Variants in NUCB2 observed in about 807,000 individuals in gnomAD.
The protein encoded by NUCB2 is nucleobindin 2, also known as nucleobindin-2.
In NUCB2, 48 loss-of-function variants were observed where a neutral mutation model predicts 57.9. The ratio of observed to expected loss-of-function variants is 0.83; its 90% CI spans 0.66 to 1.05. NUCB2 has a LOEUF of 1.05. Among genes scored for constraint, NUCB2 ranks in the 50% least tolerant of loss-of-function variants. The probability of loss-of-function intolerance (pLI) is 0.00; values close to 1 mark genes in which losing one functional copy is unlikely to be tolerated. For synonymous variants in NUCB2, 139 were observed against 152.1 expected, an observed-to-expected ratio of 0.91 and a Z score of 0.64; for missense variants, 442 against 476.2, an observed-to-expected ratio of 0.93 and a Z score of 0.67.
intron 13 of NUCB2, 77 bp downstream of exon 13, chr11:17,331,060 T>C: frequency 1.1e-6 from 1 of 942,926 alleles, no homozygotes; most frequent in South Asian, 1.6e-5. Context: ...ATTACAAATA[T>C]AATTTCAAAT....
intron 5 of NUCB2, among the ~76,000 whole-genome samples, chr11:17,304,146 G>A (rs1266274046): frequency 6.6e-6 from 1 of 151,688 alleles, no homozygotes; most frequent in African/African-American, 2.4e-5. Flanking sequence ...TCGCTTTGGA[G>A]GTACAAGCCA....
chr11:17,301,049 TGCAA>T (rs373840138), intron 4 of NUCB2, among the ~76,000 whole-genome samples: 40 of 145,308 alleles, frequency 2.8e-4, no homozygotes, highest in Non-Finnish European at 4.5e-4. Context: ...CTTGGCGCAC[TGCAA>T]CCTCCGCCTC....
intron 2 of NUCB2, among the ~76,000 whole-genome samples, chr11:17,347,864 GT>G (rs1952868077): frequency 6.6e-6 from 1 of 152,202 alleles, no homozygotes; most frequent in African/African-American, 2.4e-5. Context: ...AGTGTGGTCT[GT>G]GACTGGTGCT....
At chr11:17,305,533 G>A (rs1947484993) in intron 5 of NUCB2, among the ~76,000 whole-genome samples, 1 of 152,106 alleles carries the variant, frequency 6.6e-6, no homozygotes. Context: ...AGACATTCCA[G>A]AAGTAGAGTT....
chr11:17,314,960 G>A (rs1410871887), intron 10 of NUCB2, among the ~76,000 whole-genome samples: 2 of 152,134 alleles, frequency 1.3e-5, no homozygotes, highest in Non-Finnish European at 2.9e-5. Flanking sequence ...AATGTTGAGA[G>A]CATTTTAATT....
At position 17,296,508 on chromosome 11, in the gene NUCB2, G is replaced by A. The variant is rs929566716; in HGVS notation, c.252+297G>A. 9.9e-5 allele frequency among the ~76,000 whole-genome samples: 15 copies of A among 152,162 alleles called. No individual in the cohort carries two copies. The East Asian group carries it at 2.9e-3, about 29-fold the overall frequency. The stretch of plus-strand genomic sequence containing the variant: ...AATCATATCCAGAAATAGATTATAG[G>A]ATGGATTATATGATGAGTATTTAAT... On this transcript the variant is annotated intron_variant, in intron 4 of 13. Coordinates refer to ENST00000529010, the MANE Select transcript of NUCB2 (RefSeq NM_005013.4).
At chr11:17,289,367 G>A (rs1192804382) in intron 2 of NUCB2, among the ~76,000 whole-genome samples, 1 of 152,118 alleles carries the variant, frequency 6.6e-6, no homozygotes, top group African/African-American at 2.4e-5. Flanking sequence ...GATGATGACA[G>A]GAAGTTTTCA....
intron 1 of NUCB2, among the ~76,000 whole-genome samples, chr11:17,279,520 G>A (rs914644629): frequency 2.6e-5 from 4 of 152,092 alleles, no homozygotes; most frequent in Admixed American, 6.6e-5. Context: ...CCTTATATAC[G>A]CTATGTTTTT....
intron 10 of NUCB2, among the ~76,000 whole-genome samples, chr11:17,314,690 T>C (rs972195792): frequency 1.3e-5 from 2 of 152,198 alleles, no homozygotes; most frequent in African/African-American, 4.8e-5. Context: ...AGCCAAAAAC[T>C]CTGATATAGG....
chr11:17,284,819 G>A (rs924345704), intron 2 of NUCB2, among the ~76,000 whole-genome samples: 1 of 151,984 alleles, frequency 6.6e-6, no homozygotes, highest in Non-Finnish European at 1.5e-5. Context: ...ATCATGCTAT[G>A]CATTGTTTTG....
intron 11 of NUCB2, among the ~76,000 whole-genome samples, chr11:17,316,968 C>T (rs1297684527): frequency 6.6e-6 from 1 of 152,082 alleles, no homozygotes; most frequent in Non-Finnish European, 1.5e-5. Context: ...GAAAAGTCAG[C>T]CTCTTTTTGT....
intron 2 of NUCB2, among the ~76,000 whole-genome samples, chr11:17,347,025 G>A (rs1299241442): frequency 6.6e-6 from 1 of 152,192 alleles, no homozygotes; most frequent in African/African-American, 2.4e-5. Flanking sequence ...CCATGACACA[G>A]CCTCAGAAAG....
intron 4 of NUCB2, among the ~76,000 whole-genome samples, chr11:17,301,499 C>T (rs1351154467): frequency 1.3e-5 from 2 of 150,726 alleles, no homozygotes; most frequent in Non-Finnish European, 3.0e-5. Flanking sequence ...AGGCTGGTCT[C>T]GAGCTCCTGA....
rs186563544 is a variant in NUCB2, at chr11:17,321,591, A to G, written c.1002+6116A>G. ...AACACAGATATCTCTTTGATATACC[A>G]ATTTCCTTTCTTTTGGGTTAAGATT... On this transcript the variant is annotated intron_variant, in intron 11 of 13. Coordinates refer to ENST00000529010, the MANE Select transcript of NUCB2 (RefSeq NM_005013.4). 2.3e-3 allele frequency among the ~76,000 whole-genome samples: 354 copies of G among 152,262 alleles called. 2 individuals carry two copies. The highest frequency in any genetic ancestry group is 8.1e-3 in the African/African-American group (336 of 41,568).
Position 17,297,242 on chromosome 11 carries a change from G to A in NUCB2, c.252+1031G>A, listed in dbSNP as rs187584439. Among the ~76,000 whole-genome samples, 5 of 151,960 alleles carry A rather than the reference G, an allele frequency of 3.3e-5. No individual in the cohort carries two copies. In the East Asian group the frequency reaches 7.7e-4, roughly 23 times the overall value. Reference sequence around the variant, plus strand: ...AAGTTTTACTTTCTTAAAAAATTACGTTGCTTTTTTTCTAGAATCAGAATA... The same window carrying A: ...AAGTTTTACTTTCTTAAAAAATTACATTGCTTTTTTTCTAGAATCAGAATA... On this transcript the variant is annotated intron_variant, in intron 4 of 13. Transcript: ENST00000529010.
chr11:17,321,688 A>G (rs1950039721), intron 11 of NUCB2, among the ~76,000 whole-genome samples: 1 of 152,134 alleles, frequency 6.6e-6, no homozygotes, highest in African/African-American at 2.4e-5. Context: ...TGTTCTCCAT[A>G]GTGGTTGTAT....
chr11:17,300,480 G>A (rs1052011076), intron 4 of NUCB2, among the ~76,000 whole-genome samples: 2 of 152,078 alleles, frequency 1.3e-5, no homozygotes, highest in Non-Finnish European at 1.5e-5. Flanking sequence ...CATCTCTGTG[G>A]ATTTGCCTGT....
At chr11:17,297,696 A>T (rs566193929) in intron 4 of NUCB2, among the ~76,000 whole-genome samples, 1 of 152,330 alleles carries the variant, frequency 6.6e-6, no homozygotes, top group South Asian at 2.1e-4. Flanking sequence ...TGGTGCAGGG[A>T]ATACTTTTAT....
intron 4 of NUCB2, among the ~76,000 whole-genome samples, chr11:17,299,174 C>A (rs868147984): frequency 2.6e-5 from 4 of 152,158 alleles, no homozygotes; most frequent in South Asian, 2.1e-4. Context: ...ATCCTAACAT[C>A]TTTGATTCCT....
Sources: allele counts gnomAD v4.1 joint callset (sites outside exome capture counted in the v4.1 genomes callset), GRCh38; gene constraint gnomAD v4.1.1; transcripts MANE v1.5; gene names NCBI Gene and HGNC (gene_info 2026-07-23, HGNC 2026-07-21).